The following VOPP1 variants were observed in gnomAD, a reference collection of about 807,000 sequenced individuals.
The protein encoded by VOPP1 is WW domain binding protein VOPP1.
VOPP1 carries 8 observed loss-of-function variants against 23.5 expected under a neutral mutation model. The observed-to-expected ratio is 0.34, with a 90% CI of 0.20 to 0.61. The LOEUF (loss-of-function observed/expected upper bound fraction) is 0.61, where lower values mean the gene tolerates loss of function less well. Among genes scored for constraint, VOPP1 ranks in the 20% least tolerant of loss-of-function variants. The pLI is 0.78. For synonymous variants in VOPP1, 83 were observed against 97.3 expected (o/e 0.85, Z 0.86); for missense variants, 174 against 238.1 (o/e 0.73, Z 1.77).
chr7:55,476,311 A>G (rs143039070), intron 4 of VOPP1, among the ~76,000 whole-genome samples: 1,791 of 152,078 alleles, frequency 0.012, 13 homozygotes, highest in Admixed American at 0.021. Flanking sequence ...TTAACTGACA[A>G]TCACCCCTTC....
At chr7:55,458,436 T>C (rs1791420196) in intron 4 of VOPP1, among the ~76,000 whole-genome samples, 1 of 152,138 alleles carries the variant, frequency 6.6e-6, no homozygotes, top group Admixed American at 6.5e-5. Flanking sequence ...CTTTGGTATT[T>C]TTGTTTTCAA....
Position 55,481,351 on chromosome 7 carries a change from T to C in VOPP1, c.329-8306A>G, listed in dbSNP as rs150810770. Among the ~76,000 whole-genome samples the C allele has an allele frequency of 4.4e-3, 672 of 152,260 alleles. 2 individuals carry two copies. Among genetic ancestry groups the C allele is most frequent in the Admixed American group, 7.5e-3 (115 of 15,306 alleles). On this transcript the variant is annotated intron_variant, in intron 4 of 4. Coordinates refer to ENST00000285279, the MANE Select transcript of VOPP1 (RefSeq NM_030796.5). ...GTGGCACAGTGGGCCCATGAGAGTGTTGGGAGCACAAGCCCTGGCTCCTGC... is the reference window on the plus strand; with the variant it reads ...GTGGCACAGTGGGCCCATGAGAGTGCTGGGAGCACAAGCCCTGGCTCCTGC...
intron 4 of VOPP1, among the ~76,000 whole-genome samples, chr7:55,454,576 C>T (rs1288972785): frequency 6.6e-6 from 1 of 152,176 alleles, no homozygotes; most frequent in Admixed American, 6.5e-5. Context: ...CCAAATCCAG[C>T]AGCACATCAA....
At chr7:55,440,077 C>CT (rs1448570421) in intron 4 of VOPP1, among the ~76,000 whole-genome samples, 2 of 152,226 alleles carry the variant, frequency 1.3e-5, no homozygotes, top group Non-Finnish European at 2.9e-5. Context: ...GTGGTCACCG[C>CT]TGGTGAGAGC....
intron 1 of VOPP1, chr7:55,521,967 T>C: frequency 1.1e-6 from 1 of 907,182 alleles, no homozygotes; most frequent in Non-Finnish European, 1.3e-6. Context: ...ACTTCCATGA[T>C]CTAGTTTATT....
At chr7:55,492,180 G>C in intron 4 of VOPP1, 102 bp downstream of exon 4, 1 of 1,426,072 alleles carries the variant, frequency 7.0e-7, no homozygotes, top group Non-Finnish European at 9.3e-7. Context: ...ACACACCTGA[G>C]CGCTCTCTTC....
intron 1 of VOPP1, chr7:55,538,777 G>C (rs2129049895): frequency 1.4e-6 from 1 of 729,262 alleles, no homozygotes; most frequent in East Asian, 3.0e-5. Context: ...CTGTGGGTTT[G>C]AGCTGCTGAT....
chr7:55,460,641 T>C (rs1023382191), intron 4 of VOPP1, among the ~76,000 whole-genome samples: 3 of 152,236 alleles, frequency 2.0e-5, no homozygotes, highest in Non-Finnish European at 4.4e-5. Context: ...TTGCAGTTCT[T>C]GCTTTTAATG....
At chr7:55,435,048 A>G (rs889254606), downstream of VOPP1, among the ~76,000 whole-genome samples, 5 of 152,234 alleles carry the variant, frequency 3.3e-5, no homozygotes, top group African/African-American at 9.6e-5. Context: ...AGACGTCTTT[A>G]CAAACCATCT....
At chr7:55,478,919 T>C (rs992836601) in intron 4 of VOPP1, among the ~76,000 whole-genome samples, 4 of 152,102 alleles carry the variant, frequency 2.6e-5, no homozygotes, top group Admixed American at 2.6e-4. Flanking sequence ...GGCGGACCTC[T>C]CTCAGCCAGG....
chr7:55,546,955 C>T (rs1321542647), intron 1 of VOPP1, among the ~76,000 whole-genome samples: 1 of 152,236 alleles, frequency 6.6e-6, no homozygotes, highest in Admixed American at 6.5e-5. Flanking sequence ...AGAAGGACAG[C>T]CTTCATTTCA....
At chr7:55,489,449 G>A (rs974644797) in intron 4 of VOPP1, among the ~76,000 whole-genome samples, 8 of 152,244 alleles carry the variant, frequency 5.3e-5, no homozygotes, top group Admixed American at 4.6e-4. Flanking sequence ...TTGTGCACCA[G>A]ATGGAGTCTC....
rs528364692 is a variant in VOPP1 at position 55,439,265 on chromosome 7, G to A, written n.418-3091C>T. 1.5e-4 allele frequency among the ~76,000 whole-genome samples: 23 copies of A among 152,112 alleles called. 1 individual carries two copies. Among genetic ancestry groups the A allele is most frequent in the South Asian group, 2.1e-4 (1 of 4,820 alleles). Reference sequence around the variant, plus strand: ...AAGAGGAGAAGGCGCAGTCACTGAGGTAGGGAGACAAGAGTCTGTTTCCCT... The same window carrying A: ...AAGAGGAGAAGGCGCAGTCACTGAGATAGGGAGACAAGAGTCTGTTTCCCT... On this transcript the variant is annotated intron_variant and non_coding_transcript_variant, in intron 4 of 4. Transcript: ENST00000462326.
rs145069685 is a variant in VOPP1, at chr7:55,436,668, G to A, written n.418-494C>T. Among the ~76,000 whole-genome samples the A allele has an allele frequency of 9.2e-5, 14 of 151,726 alleles. No individual in the cohort carries two copies. In the East Asian group the frequency reaches 1.6e-3, roughly 17 times the overall value. On this transcript the variant is annotated intron_variant and non_coding_transcript_variant, in intron 4 of 4. Coordinates refer to the VOPP1 transcript ENST00000462326. ...TGCGTGGGTGTGTGTGCGTGTGTGC[G>A]TGCGTGTGCGTGTGTGCATGTGCAT... is the stretch of plus-strand genomic sequence containing the variant.
At chr7:55,450,425 T>C (rs1208554977) in intron 4 of VOPP1, among the ~76,000 whole-genome samples, 1 of 152,162 alleles carries the variant, frequency 6.6e-6, no homozygotes, top group Non-Finnish European at 1.5e-5. Context: ...TCACCAGCGC[T>C]ACCAGCTCTT....
intron 1 of VOPP1, among the ~76,000 whole-genome samples, chr7:55,534,043 T>C (rs1481426332): frequency 6.6e-6 from 1 of 151,958 alleles, no homozygotes; most frequent in African/African-American, 2.4e-5. Flanking sequence ...ACTGTACAGC[T>C]GTCTCCCAGC....
intron 2 of VOPP1, among the ~76,000 whole-genome samples, chr7:55,513,644 G>A (rs1795224183): frequency 6.6e-6 from 1 of 152,136 alleles, no homozygotes; most frequent in African/African-American, 2.4e-5. Context: ...CAGGCCCAGG[G>A]AGACTTAGCA....
At chr7:55,561,943 A>C (rs903305599) in intron 1 of VOPP1, 1 of 703,098 alleles carries the variant, frequency 1.4e-6, no homozygotes, top group Non-Finnish European at 2.6e-6. Flanking sequence ...AGGAATGGGA[A>C]AACAGGAAGT....
chr7:55,562,761 A>T (rs994785158), intron 1 of VOPP1, among the ~76,000 whole-genome samples: 6 of 152,212 alleles, frequency 3.9e-5, no homozygotes, highest in Non-Finnish European at 8.8e-5. Context: ...CACTGAGGAC[A>T]GACACAGAGG....
Sources: allele counts gnomAD v4.1 joint callset (sites outside exome capture counted in the v4.1 genomes callset), GRCh38; gene constraint gnomAD v4.1.1; transcripts MANE v1.5; gene names NCBI Gene and HGNC (gene_info 2026-07-23, HGNC 2026-07-21).